FGFR1: variants seen among roughly 807,000 people sequenced by gnomAD.
The protein encoded by FGFR1 is FGFR1/PLAG1 fusion.
A neutral mutation model predicts 93.7 loss-of-function variants in FGFR1; 18 were observed. The observed-to-expected ratio is 0.19, with a 90% confidence interval of 0.13 to 0.28. The LOEUF (loss-of-function observed/expected upper bound fraction) is 0.28. FGFR1 is among the 10% of genes least tolerant of loss of function. The pLI is 1.00. For synonymous variants in FGFR1, 448 were observed against 429.3 expected (o/e 1.04, Z -0.54); for missense variants, 731 against 1,080.4 (o/e 0.68, Z 4.53).
At chr8:38,445,935 T>C (rs1829133090) in intron 2 of FGFR1, among the ~76,000 whole-genome samples, 1 of 152,144 alleles carries the variant, frequency 6.6e-6, no homozygotes, top group South Asian at 2.1e-4. Context: ...GTTCAAAAGC[T>C]ACTTCCTAAA....
At chr8:38,421,612 A>G (rs1818809857) in intron 8 of FGFR1, 185 bp downstream of exon 8, 4 of 706,686 alleles carry the variant, frequency 5.7e-6, no homozygotes, top group Admixed American at 2.1e-5. Context: ...CTGCAAAACT[A>G]GGGAAGCTCT....
chr8:38,422,033 A>G lies in FGFR1; in HGVS notation c.937-92T>C, dbSNP rs911054158. The G allele has an allele frequency of 4.2e-6, 6 of 1,442,430 alleles. No homozygotes were observed. In the Admixed American group the frequency reaches 9.3e-5, roughly 22 times the overall value. 89.4% of individuals were successfully genotyped at this position (1,442,430 alleles called of 1,614,324 possible). A position where few individuals can be genotyped will look rare whatever the true frequency, so the allele number is the denominator to read the frequency against. On this transcript the variant is annotated intron_variant, in intron 7 of 17. Coordinates refer to ENST00000447712, the MANE Select transcript of FGFR1 (RefSeq NM_023110.3). ...AGGGAAGGAGACAGAAAGAAGGGGG[A>G]CTAGAGGAAGAAATGCTCCCTGACA...
Position 38,421,806 on chromosome 8 carries a change from C to T in FGFR1, c.1072G>A (p.Val358Ile), listed in dbSNP as rs774768179. ...AAGTTACAGTGTGTACCTTCCAGAA[C>T]GGTCAACCATGCAGAGTGATGGGAG... ...GLSHHSAWLT[V>I]LEALEERPAV... The change falls in exon 8 of 18, where the codon GTT becomes ATT. Residue 358 changes from valine (V) to isoleucine (I), a missense_variant. Physicochemically the swap from Val to Ile is conservative, Grantham distance 29 (BLOSUM62 3). Coordinates refer to ENST00000447712, the MANE Select transcript of FGFR1 (RefSeq NM_023110.3). 22 of 1,614,112 alleles carry T rather than the reference C, an allele frequency of 1.4e-5. No homozygotes were observed. Among genetic ancestry groups the T allele is most frequent in the East Asian group, 2.2e-5 (1 of 44,862 alleles).
At chr8:38,416,448 ATTTTT>A (rs57944426) in intron 12 of FGFR1, among the ~76,000 whole-genome samples, 5 of 80,936 alleles carry the variant, frequency 6.2e-5, no homozygotes, top group African/African-American at 2.1e-4. Flanking sequence ...TGCCTGGCTA[ATTTTT>A]TTTTTTTTTT....
intron 8 of FGFR1, chr8:38,420,065 C>G: frequency 2.7e-6 from 1 of 366,158 alleles, no homozygotes; most frequent in South Asian, 3.0e-5. Flanking sequence ...CAAGGGCCAG[C>G]TGAGAAGTCA....
intron 1 of FGFR1, among the ~76,000 whole-genome samples, chr8:38,464,271 C>T (rs967465996): frequency 1.4e-4 from 19 of 137,484 alleles, no homozygotes; most frequent in African/African-American, 4.4e-4. Flanking sequence ...CCTGAGATAG[C>T]GCCACAGCAC....
chr8:38,461,004 G>A lies in FGFR1; in HGVS notation c.-88-3470C>T, dbSNP rs1042186587. ...CTCTCCAATATCAGCTAGGCTCCTG[G>A]GATTCATGCCTGCATGCAGAGGTCC... is the stretch of plus-strand genomic sequence containing the variant. On this transcript the variant is annotated intron_variant, in intron 1 of 17. Coordinates refer to ENST00000447712, the MANE Select transcript of FGFR1 (RefSeq NM_023110.3). The A allele has an allele frequency of 8.8e-6, 13 of 1,480,494 alleles. No individual in the cohort carries two copies. The African/African-American group carries it at 1.8e-4, about 21-fold the overall frequency. 91.7% of individuals were successfully genotyped at this position (1,480,494 alleles called of 1,614,324 possible). A position where few individuals can be genotyped will look rare whatever the true frequency, so the allele number is the denominator to read the frequency against.
chr8:38,439,528 A>G (rs550628738), intron 2 of FGFR1, among the ~76,000 whole-genome samples: 97 of 152,154 alleles, frequency 6.4e-4, no homozygotes, highest in Middle Eastern at 3.4e-3. Context: ...AGGGCTCACA[A>G]GGGTCCCGGC....
At chr8:38,417,449 G>A (rs2150632978) in intron 11 of FGFR1, 33 bp from the exon 12 acceptor site, 1 of 1,582,000 alleles carries the variant, frequency 6.3e-7, no homozygotes, top group Non-Finnish European at 8.7e-7. Flanking sequence ...CATTTACTTG[G>A]GAAGGGAGGA....
chr8:38,448,756 A>C (rs1441160823), intron 2 of FGFR1, among the ~76,000 whole-genome samples: 1 of 151,994 alleles, frequency 6.6e-6, no homozygotes, highest in Non-Finnish European at 1.5e-5. Flanking sequence ...GGAGCTCAAG[A>C]CCAGACTGGC....
intron 2 of FGFR1, among the ~76,000 whole-genome samples, chr8:38,439,982 G>A (rs761075820): frequency 1.3e-5 from 2 of 152,126 alleles, no homozygotes; most frequent in Non-Finnish European, 2.9e-5. Context: ...ACAAAATCCA[G>A]GCATCCTCCA....
intron 8 of FGFR1, among the ~76,000 whole-genome samples, chr8:38,421,341 A>G (rs780805362): frequency 4.6e-5 from 7 of 152,192 alleles, no homozygotes; most frequent in Non-Finnish European, 8.8e-5. Flanking sequence ...GGATGGCAGT[A>G]CAGGAGGGTG....
At position 38,411,373 on chromosome 8, in the gene FGFR1, C is replaced by G. The variant is rs1193721992; in HGVS notation, c.*2255G>C. 2 of 220,254 alleles carry G rather than the reference C, an allele frequency of 9.1e-6. No individual in the cohort carries two copies. The highest frequency in any genetic ancestry group is 1.8e-5 in the Non-Finnish European group (2 of 110,000). 13.6% of individuals were successfully genotyped at this position (220,254 alleles called of 1,614,324 possible). On this transcript the variant is annotated 3_prime_UTR_variant, in exon 18 of 18. Coordinates refer to ENST00000447712, the MANE Select transcript of FGFR1 (RefSeq NM_023110.3). ...CATCACTGTTTTACAAGGAAAGACA[C>G]TCCTGTGCGGTCTCAAAGCAAATGC...
chr8:38,418,165 T>A, intron 10 of FGFR1, 63 bp downstream of exon 10: 1 of 1,612,862 alleles, frequency 6.2e-7, no homozygotes, highest in Non-Finnish European at 8.5e-7. Context: ...TATACACACC[T>A]TCCACCACTA....
At chr8:38,461,507 C>T (rs1489476578) in intron 1 of FGFR1, among the ~76,000 whole-genome samples, 2 of 152,164 alleles carry the variant, frequency 1.3e-5, no homozygotes, top group Non-Finnish European at 2.9e-5. Flanking sequence ...TGGGGTCTCA[C>T]CATGTTGCCC....
intron 2 of FGFR1, among the ~76,000 whole-genome samples, chr8:38,446,205 C>CTTTTTT (rs773129271): frequency 7.8e-6 from 1 of 127,776 alleles, no homozygotes; most frequent in African/African-American, 2.9e-5. Flanking sequence ...CCTCTCCCAC[C>CTTTTTT]TTTTTTTTTT....
At chr8:38,438,750 T>G (rs773089148) in intron 2 of FGFR1, among the ~76,000 whole-genome samples, 4 of 152,066 alleles carry the variant, frequency 2.6e-5, no homozygotes, top group Non-Finnish European at 5.9e-5. Context: ...ATCTTCACAG[T>G]GTCTTGACTT....
chr8:38,425,304 A>G (rs189078476), intron 6 of FGFR1, among the ~76,000 whole-genome samples: 2 of 152,192 alleles, frequency 1.3e-5, no homozygotes, highest in Non-Finnish European at 2.9e-5. Context: ...ATGACACTGC[A>G]CTAGGCTAAT....
intron 2 of FGFR1, among the ~76,000 whole-genome samples, chr8:38,437,928 C>T (rs577413006): frequency 6.6e-6 from 1 of 152,370 alleles, no homozygotes; most frequent in African/African-American, 2.4e-5. Context: ...CACAACTTAA[C>T]AGGAACCCAG....
Sources: allele counts gnomAD v4.1 joint callset (sites outside exome capture counted in the v4.1 genomes callset), GRCh38; gene constraint gnomAD v4.1.1; transcripts MANE v1.5; gene names NCBI Gene and HGNC (gene_info 2026-07-23, HGNC 2026-07-21).